Variants in POTEI observed in about 807,000 individuals in gnomAD.
POTEI encodes POTE ankyrin domain family, member I.
A neutral mutation model predicts 43.4 loss-of-function variants in POTEI; 14 were observed. The observed-to-expected ratio is 0.32, with a 90% CI of 0.21 to 0.50. The LOEUF is 0.50. Among genes scored for constraint, POTEI ranks in the 20% least tolerant of loss-of-function variants. The pLI is 0.98. For missense variants in POTEI, 235 were observed against 795.4 expected (o/e 0.30, Z 8.47); for synonymous variants, 95 against 297.9 (o/e 0.32, Z 7.01).
chr2:130,474,109 A>T (rs1406854751), intron 13 of POTEI, among the ~76,000 whole-genome samples: 1 of 148,508 alleles, frequency 6.7e-6, no homozygotes, highest in African/African-American at 2.6e-5. Context: ...AAACCTGCAC[A>T]CGTACCCGAA....
chr2:130,492,798 G>A (rs12329325), intron 6 of POTEI, among the ~76,000 whole-genome samples: 91,026 of 115,762 alleles, frequency 0.79, 33,645 homozygotes, highest in East Asian at 0.99. Flanking sequence ...GATTTCTAAA[G>A]TTATAGTGCC....
rs1427919389 is a variant in POTEI at position 130,499,392 on chromosome 2, TA to T, written c.918-172del. ...CATCTTTGTAAAATACCACAAAAGT[TA>T]AAAGGAAGGGACCAAAAAAAACCCT... On this transcript the variant is annotated intron_variant, in intron 4 of 14. Transcript: ENST00000451531. 8.7e-4 allele frequency among the ~76,000 whole-genome samples: 35 copies of T among 40,326 alleles called. 6 individuals are homozygous for T. Among genetic ancestry groups the T allele is most frequent in the African/African-American group, 2.0e-3 (33 of 16,780 alleles). 26.5% of individuals were successfully genotyped at this position (40,326 alleles called of 152,430 possible). A position where few individuals can be genotyped will look rare whatever the true frequency, so the allele number is the denominator to read the frequency against.
chr2:130,486,883 AG>A (rs1683591854), intron 9 of POTEI, among the ~76,000 whole-genome samples: 2 of 127,790 alleles, frequency 1.6e-5, no homozygotes, highest in Non-Finnish European at 3.3e-5. Flanking sequence ...TTTTAATAAA[AG>A]TTTTACCCAA....
intron 6 of POTEI, among the ~76,000 whole-genome samples, chr2:130,492,794 TA>T (rs1335566283): frequency 1.7e-5 from 2 of 118,478 alleles, no homozygotes; most frequent in African/African-American, 5.9e-5. Flanking sequence ...AGGTGATTTC[TA>T]AAGTTATAGT....
chr2:130,491,809 C>T (rs1385507531), intron 6 of POTEI, among the ~76,000 whole-genome samples: 4 of 105,636 alleles, frequency 3.8e-5, no homozygotes, highest in African/African-American at 1.2e-4. Flanking sequence ...CATGCACCAT[C>T]ATGCCCTGCT....
rs1164984198 is a variant in POTEI, at chr2:130,461,124, A to C, written c.*1692T>G. The stretch of plus-strand genomic sequence containing the variant: ...GAACACACCTATAAGATGTGGCTGG[A>C]GGCAAGTTGAGAAGTCTTACCTAGT... On this transcript the variant is annotated 3_prime_UTR_variant, in exon 15 of 15. Coordinates refer to ENST00000451531, the MANE Select transcript of POTEI (RefSeq NM_001277406.2). 2 of 151,664 alleles carry C rather than the reference A, an allele frequency of 1.3e-5. No individual in the cohort carries two copies. The highest frequency in any genetic ancestry group is 4.9e-5 in the African/African-American group (2 of 41,016). The allele number at this position is 151,664 out of a possible 1,614,324, so 9.4% of individuals were successfully genotyped here. A position where few individuals can be genotyped will look rare whatever the true frequency, so the allele number is the denominator to read the frequency against.
In POTEI at chr2:130,477,202, C is replaced by G. The variant is rs1399577525; in HGVS notation, c.1481-501G>C. On this transcript the variant is annotated intron_variant, in intron 10 of 14. Transcript: ENST00000451531. Reference sequence around the variant, plus strand: ...ACCAGGGTCTTCCTCTGTCACCAGGCTGGAATGCAGTGGCATGATCAGCTC... The same window carrying G: ...ACCAGGGTCTTCCTCTGTCACCAGGGTGGAATGCAGTGGCATGATCAGCTC... Among the ~76,000 whole-genome samples the G allele has an allele frequency of 2.0e-5, 3 of 148,258 alleles. 1 individual carries two copies. Among genetic ancestry groups the G allele is most frequent in the African/African-American group, 7.5e-5 (3 of 39,878 alleles).
At position 130,509,128 on chromosome 2, in the gene POTEI, C is replaced by G; in HGVS notation, c.108G>C (p.Arg36Ser). ...KWCRHCFPCC[R>S]GSGKSNVGTS... Reference sequence around the variant, plus strand: ...TGCCCACGTTGCTCTTGCCGCTCCCCCTGCAGCAGGGGAAGCAGTGGCGGC... The same window carrying G: ...TGCCCACGTTGCTCTTGCCGCTCCCGCTGCAGCAGGGGAAGCAGTGGCGGC... The change falls in exon 1 of 15, where the codon AGG becomes AGC. Residue 36 changes from arginine to serine, a missense_variant. Arg to Ser is a moderately radical substitution (Grantham distance 110). Coordinates refer to ENST00000451531, the MANE Select transcript of POTEI (RefSeq NM_001277406.2). 2 of 1,520,040 alleles carry G rather than the reference C, an allele frequency of 1.3e-6. No homozygotes were observed. The highest frequency in any genetic ancestry group is 1.7e-6 in the Non-Finnish European group (2 of 1,143,342). The allele number at this position is 1,520,040 out of a possible 1,614,324, so 94.2% of individuals were successfully genotyped here. A position where few individuals can be genotyped will look rare whatever the true frequency, so the allele number is the denominator to read the frequency against.
At chr2:130,495,055 CT>C (rs1356961374) in intron 6 of POTEI, among the ~76,000 whole-genome samples, 1 of 66,698 alleles carries the variant, frequency 1.5e-5, no homozygotes, top group Admixed American at 1.9e-4. Flanking sequence ...GATGTTCCTT[CT>C]GGCAAACACA....
intron 9 of POTEI, among the ~76,000 whole-genome samples, chr2:130,486,882 A>C (rs1314007781): frequency 2.4e-5 from 3 of 127,564 alleles, no homozygotes; most frequent in African/African-American, 5.9e-5. Flanking sequence ...ATTTTAATAA[A>C]AGTTTTACCC....
At chr2:130,484,288 A>G (rs559248959) in intron 9 of POTEI, among the ~76,000 whole-genome samples, 4 of 148,672 alleles carry the variant, frequency 2.7e-5, no homozygotes, top group Non-Finnish European at 5.9e-5. Flanking sequence ...TGATGTCAAG[A>G]TACAAATAGG....
Position 130,507,323 on chromosome 2 carries a change from C to G in POTEI, c.521+1392G>C, listed in dbSNP as rs1204978806. 2.6e-3 allele frequency among the ~76,000 whole-genome samples: 18 copies of G among 6,794 alleles called. 2 individuals are homozygous for G. The highest frequency in any genetic ancestry group is 4.9e-3 in the African/African-American group (18 of 3,710). 4.5% of individuals were successfully genotyped at this position (6,794 alleles called of 152,430 possible). On this transcript the variant is annotated intron_variant, in intron 1 of 14. Transcript: ENST00000451531. Reference sequence around the variant, plus strand: ...ATATATATATATATATATATACACACACACACACACACACATATATATGTA... The same window carrying G: ...ATATATATATATATATATATACACAGACACACACACACACATATATATGTA...
intron 13 of POTEI, among the ~76,000 whole-genome samples, chr2:130,467,287 C>T (rs1280033130): frequency 1.0e-5 from 1 of 96,154 alleles, no homozygotes; most frequent in Non-Finnish European, 2.1e-5. Flanking sequence ...ACCACAGTAA[C>T]AGAAGCAGCG....
chr2:130,509,020 G>A lies in POTEI; in HGVS notation c.216C>T (p.Cys72=). 2.0e-6 allele frequency: 3 copies of A among 1,520,262 alleles called. No homozygotes were observed. Among genetic ancestry groups the A allele is most frequent in the Non-Finnish European group, 2.7e-6 (3 of 1,108,792 alleles). The allele number at this position is 1,520,262 out of a possible 1,614,324, so 94.2% of individuals were successfully genotyped here. A position where few individuals can be genotyped will look rare whatever the true frequency, so the allele number is the denominator to read the frequency against. ...GKWCCHCFPC[C]RGSGKSNVGT... ...CCACGTTGCTCTTGCCACTCCCCCTGCAGCAGGGGAAGCAGTGGCAGCACC... is the reference window on the plus strand; with the variant it reads ...CCACGTTGCTCTTGCCACTCCCCCTACAGCAGGGGAAGCAGTGGCAGCACC... Residue 72 remains cysteine, a synonymous_variant, in exon 1 of 15, where the codon TGC becomes TGT. Transcript: ENST00000451531.
At chr2:130,504,730 CA>C (rs1684105203) in intron 1 of POTEI, among the ~76,000 whole-genome samples, 1 of 134,422 alleles carries the variant, frequency 7.4e-6, no homozygotes, top group Admixed American at 7.7e-5. Flanking sequence ...CTTTGGTTTT[CA>C]ATAAACTTTA....
chr2:130,509,435 G>A, upstream of POTEI: 5 of 239,958 alleles, frequency 2.1e-5, no homozygotes, highest in Admixed American at 8.1e-5. Flanking sequence ...GAAAGCCCAC[G>A]CCCACCCGAG....
At chr2:130,492,956 A>G (rs1683800980) in intron 6 of POTEI, among the ~76,000 whole-genome samples, 1 of 151,498 alleles carries the variant, frequency 6.6e-6, no homozygotes, top group Non-Finnish European at 1.5e-5. Flanking sequence ...TCTCAAGTTT[A>G]TGTTAAATAC....
chr2:130,484,222 A>T (rs1320501627), intron 9 of POTEI, among the ~76,000 whole-genome samples: 1 of 150,554 alleles, frequency 6.6e-6, no homozygotes, highest in Non-Finnish European at 1.5e-5. Context: ...AATACAAAAA[A>T]CCTTTTATTT....
In POTEI at chr2:130,460,364, C is replaced by A. The variant is rs1419529761; in HGVS notation, c.*2452G>T. On this transcript the variant is annotated 3_prime_UTR_variant, in exon 15 of 15. Transcript: ENST00000451531. ...GCTAGACTTCTTTTATTAAGCAAGT[C>A]TCCTTTTTTTAAAAAGGGAACTCTC... 1 of 152,044 alleles carries A rather than the reference C, an allele frequency of 6.6e-6. No individual in the cohort carries two copies. Among genetic ancestry groups the A allele is most frequent in the Non-Finnish European group, 1.5e-5 (1 of 68,040 alleles). 9.4% of individuals were successfully genotyped at this position (152,044 alleles called of 1,614,324 possible).
Sources: gnomAD v4.1 joint callset for allele counts (sites outside exome capture counted in the v4.1 genomes callset) on GRCh38, gnomAD v4.1.1 for gene constraint, MANE v1.5 for transcripts, NCBI Gene and HGNC (gene_info 2026-07-23, HGNC 2026-07-21) for gene names.